Variants in SOS2 observed in about 807,000 individuals in gnomAD.
SOS2 encodes the protein son of sevenless homolog 2.
A neutral mutation model predicts 148.2 loss-of-function variants in SOS2; 65 were observed. The observed-to-expected ratio is 0.44, with a 90% CI of 0.36 to 0.54. SOS2 has a LOEUF of 0.54. Among genes scored for constraint, SOS2 ranks in the 20% least tolerant of loss-of-function variants. The pLI is 0.00. For missense variants in SOS2, 1,341 were observed against 1,590.2 expected, an observed-to-expected ratio of 0.84 and a Z score of 2.67; for synonymous variants, 539 against 537.1, an observed-to-expected ratio of 1.00 and a Z score of -0.05.
At chr14:50,209,157 A>G (rs1311145344) in intron 1 of SOS2, among the ~76,000 whole-genome samples, 1 of 152,148 alleles carries the variant, frequency 6.6e-6, no homozygotes, top group Admixed American at 6.5e-5. Flanking sequence ...TCTGGTTCTC[A>G]GGCCTTCAGA....
intron 10 of SOS2, among the ~76,000 whole-genome samples, chr14:50,159,015 T>C (rs1375335684): frequency 6.6e-6 from 1 of 151,846 alleles, no homozygotes; most frequent in Admixed American, 6.6e-5. Context: ...AAACCCCATC[T>C]CTACTAAAAA....
At chr14:50,183,420 G>A (rs1885807901) in intron 5 of SOS2, among the ~76,000 whole-genome samples, 1 of 151,800 alleles carries the variant, frequency 6.6e-6, no homozygotes. Context: ...AGAGTTAAGG[G>A]TATATCTTCA....
intron 8 of SOS2, 54 bp from the exon 9 acceptor site, chr14:50,161,663 A>C (rs1236274219): frequency 1.3e-6 from 2 of 1,536,968 alleles, no homozygotes; most frequent in African/African-American, 2.8e-5. Context: ...TCTTCCCCCA[A>C]CTTTCTAGTA....
intron 4 of SOS2, among the ~76,000 whole-genome samples, chr14:50,195,357 A>G (rs1874123710): frequency 6.6e-6 from 1 of 152,238 alleles, no homozygotes; most frequent in African/African-American, 2.4e-5. Flanking sequence ...TAAAAGCAAT[A>G]TAACAAGGGG....
Position 50,138,789 on chromosome 14 carries a change from TAA to T in SOS2, c.2786-7_2786-6del, listed in dbSNP as rs201957103. The T allele has an allele frequency of 3.0e-3, 1,817 of 613,076 alleles. No individual in the cohort carries two copies. The highest frequency in any genetic ancestry group is 5.3e-3 in the South Asian group (168 of 31,554). The allele number at this position is 613,076 out of a possible 1,614,324, so 38.0% of individuals were successfully genotyped here. A position where few individuals can be genotyped will look rare whatever the true frequency, so the allele number is the denominator to read the frequency against. Reference sequence around the variant, plus strand: ...GAATATTTGTTAAATATATTCCTAGTAAAAAAAAAAAAAGAATTTAAAGAAAA... The same window carrying T: ...GAATATTTGTTAAATATATTCCTAGTAAAAAAAAAAAGAATTTAAAGAAAA... On this transcript the variant is annotated splice_polypyrimidine_tract_variant and splice_region_variant and intron_variant, in intron 17 of 22. Coordinates refer to ENST00000216373, the MANE Select transcript of SOS2 (RefSeq NM_006939.4).
At chr14:50,207,517 A>C (rs181869402) in intron 1 of SOS2, among the ~76,000 whole-genome samples, 8 of 152,254 alleles carry the variant, frequency 5.3e-5, no homozygotes, top group Admixed American at 1.3e-4. Context: ...TCTCTAAAAG[A>C]AAACAAAATT....
In SOS2 at chr14:50,133,242, C is replaced by CTTTTTT. The variant is rs753590435; in HGVS notation, c.3075+875_3075+880dup. Among the ~76,000 whole-genome samples, 363 of 78,744 alleles carry CTTTTTT rather than the reference C, an allele frequency of 4.6e-3. 26 individuals carry two copies. The highest frequency in any genetic ancestry group is 0.019 in the Middle Eastern group (2 of 104). The allele number at this position is 78,744 out of a possible 152,430, so 51.7% of individuals were successfully genotyped here. A position where few individuals can be genotyped will look rare whatever the true frequency, so the allele number is the denominator to read the frequency against. On this transcript the variant is annotated intron_variant, in intron 19 of 22. Coordinates refer to ENST00000216373, the MANE Select transcript of SOS2 (RefSeq NM_006939.4). ...TTTCCATGAACTTTTTTTCTTTTTT[C>CTTTTTT]TTTTTTCTTTTTTTTTTTTTTTGAG...
chr14:50,181,579 G>A (rs1885740611), intron 6 of SOS2, among the ~76,000 whole-genome samples: 1 of 151,628 alleles, frequency 6.6e-6, no homozygotes, highest in Non-Finnish European at 1.5e-5. Context: ...ATGTTATGGT[G>A]TCTCCATATA....
In SOS2 at chr14:50,117,653, G is replaced by A. The variant is rs1238443168; in HGVS notation, c.*691C>T. 13 of 152,126 alleles carry A rather than the reference G, an allele frequency of 8.5e-5. No homozygotes were observed. Among genetic ancestry groups the A allele is most frequent in the East Asian group, 3.8e-4 (2 of 5,204 alleles). The allele number at this position is 152,126 out of a possible 1,614,324, so 9.4% of individuals were successfully genotyped here. A position where few individuals can be genotyped will look rare whatever the true frequency, so the allele number is the denominator to read the frequency against. On this transcript the variant is annotated 3_prime_UTR_variant, in exon 23 of 23. Transcript: ENST00000216373. ...AATAGGCAATTCATTAGCTAAAGAC[G>A]TCATAGTCTGCAAAAACAAAAGGCA...
chr14:50,196,430 A>G (rs988292214), intron 4 of SOS2, among the ~76,000 whole-genome samples: 3 of 152,160 alleles, frequency 2.0e-5, no homozygotes, highest in Non-Finnish European at 4.4e-5. Flanking sequence ...AAACAATCCA[A>G]TTAAACTCTT....
At chr14:50,151,141 G>A (rs1884649787) in intron 13 of SOS2, among the ~76,000 whole-genome samples, 1 of 152,234 alleles carries the variant, frequency 6.6e-6, no homozygotes, top group East Asian at 1.9e-4. Flanking sequence ...TTACAGGCAT[G>A]AGCCACTGTG....
intron 3 of SOS2, among the ~76,000 whole-genome samples, chr14:50,200,219 T>C (rs1270956603): frequency 6.6e-6 from 1 of 151,818 alleles, no homozygotes; most frequent in African/African-American, 2.4e-5. Flanking sequence ...ATCCCCTAAT[T>C]ACAGTAGTTT....
chr14:50,141,109 C>T (rs1419311075), intron 16 of SOS2, among the ~76,000 whole-genome samples: 1 of 141,744 alleles, frequency 7.1e-6, no homozygotes, highest in East Asian at 2.2e-4. Context: ...GAGGCTGAGG[C>T]AGGAGAATGC....
intron 10 of SOS2, among the ~76,000 whole-genome samples, chr14:50,158,893 T>G (rs1434109929): frequency 6.6e-6 from 1 of 152,130 alleles, no homozygotes; most frequent in African/African-American, 2.4e-5. Context: ...AATTTGAAAT[T>G]CATGAATATG....
intron 11 of SOS2, among the ~76,000 whole-genome samples, chr14:50,158,279 T>C (rs764188283): frequency 6.6e-6 from 1 of 152,076 alleles, no homozygotes; most frequent in Non-Finnish European, 1.5e-5. Flanking sequence ...TAAGAAAATA[T>C]CATTTTATTA....
intron 7 of SOS2, among the ~76,000 whole-genome samples, chr14:50,175,161 A>G (rs535426123): frequency 6.6e-6 from 1 of 152,332 alleles, no homozygotes; most frequent in Non-Finnish European, 1.5e-5. Context: ...AGGAAACTAC[A>G]ACTGCTTCTG....
intron 1 of SOS2, among the ~76,000 whole-genome samples, chr14:50,227,418 A>T (rs1164042500): frequency 2.6e-4 from 31 of 119,234 alleles, no homozygotes; most frequent in African/African-American, 6.9e-4. Flanking sequence ...TAATTTTGGT[A>T]TTTTTTTTTT....
intron 1 of SOS2, among the ~76,000 whole-genome samples, chr14:50,225,908 G>C (rs1424450297): frequency 6.6e-6 from 1 of 152,026 alleles, no homozygotes. Flanking sequence ...TATTCTTCTT[G>C]TTTTTTAAAA....
intron 4 of SOS2, among the ~76,000 whole-genome samples, chr14:50,196,183 T>C (rs79817376): frequency 0.014 from 2,067 of 152,264 alleles, 21 homozygotes; most frequent in Non-Finnish European, 0.02. Context: ...TTAGGAGGAA[T>C]TGGGTCTTTT....
Sources: gnomAD v4.1 joint callset for allele counts (sites outside exome capture counted in the v4.1 genomes callset) on GRCh38, gnomAD v4.1.1 for gene constraint, MANE v1.5 for transcripts, NCBI Gene and HGNC (gene_info 2026-07-23, HGNC 2026-07-21) for gene names.